PTPRT: variants seen among roughly 807,000 people sequenced by gnomAD.
PTPRT encodes the protein protein tyrosine phosphatase receptor type T.
Under a neutral mutation model 176.8 loss-of-function variants are expected in PTPRT, and 56 were observed. That is an observed-to-expected ratio of 0.32 (90% confidence interval 0.26 to 0.40). The LOEUF (loss-of-function observed/expected upper bound fraction) is 0.40. PTPRT is among the 10% of genes least tolerant of loss of function. PTPRT has a pLI of 1.00. For missense variants in PTPRT, 1,540 were observed against 1,908.2 expected, an observed-to-expected ratio of 0.81 and a Z score of 3.60; for synonymous variants, 783 against 739.0, an observed-to-expected ratio of 1.06 and a Z score of -0.96.
Position 42,084,869 on chromosome 20 carries a change from G to A in PTPRT, c.3973-24C>T, listed in dbSNP as rs759439864. ...GGCTGAGAACAGAGAGGCTGTTAGG[G>A]CTGTTCTGCTGGGGATGCTTGCGTA... On this transcript the variant is annotated intron_variant, in intron 28 of 30. Transcript: ENST00000373187. 4.3e-6 allele frequency: 6 copies of A among 1,380,262 alleles called. No homozygotes were observed. In the East Asian group the frequency reaches 1.6e-4, roughly 36 times the overall value. The allele number at this position is 1,380,262 out of a possible 1,614,324, so 85.5% of individuals were successfully genotyped here.
At chr20:42,049,299 T>C in the PTPRT span, among the ~76,000 whole-genome samples, 1 of 152,212 alleles carries the variant, frequency 6.6e-6, no homozygotes, top group Non-Finnish European at 1.5e-5. Flanking sequence ...CAAATCATGG[T>C]TTCTTACTCT....
intron 27 of PTPRT, among the ~76,000 whole-genome samples, chr20:42,094,427 C>T (rs1474654640): frequency 1.3e-5 from 2 of 152,106 alleles, no homozygotes; most frequent in Non-Finnish European, 2.9e-5. Flanking sequence ...ATCCTTCATT[C>T]CTCTTTCTTT....
At chr20:42,878,304 T>A (rs139987251) in intron 2 of PTPRT, among the ~76,000 whole-genome samples, 5 of 152,162 alleles carry the variant, frequency 3.3e-5, no homozygotes, top group African/African-American at 1.2e-4. Context: ...CATGGGAAAA[T>A]GCTAAAGAAA....
chr20:42,685,026 A>G (rs1337393591), intron 6 of PTPRT, among the ~76,000 whole-genome samples: 1 of 152,174 alleles, frequency 6.6e-6, no homozygotes, highest in Non-Finnish European at 1.5e-5. Context: ...TCAAACAGTT[A>G]GTCATTCAAA....
intron 1 of PTPRT, among the ~76,000 whole-genome samples, chr20:42,896,770 T>C (rs547040440): frequency 6.6e-6 from 1 of 152,114 alleles, no homozygotes; most frequent in African/African-American, 2.4e-5. Flanking sequence ...TGTGGACACA[T>C]ATTCCAAAGA....
intron 7 of PTPRT, among the ~76,000 whole-genome samples, chr20:42,601,247 T>C (rs2073776355): frequency 6.6e-6 from 1 of 152,198 alleles, no homozygotes; most frequent in South Asian, 2.1e-4. Context: ...TTGGCTCTTC[T>C]CTGCTGCATC....
chr20:42,936,227 T>G (rs1156934503), intron 1 of PTPRT, among the ~76,000 whole-genome samples: 1 of 152,026 alleles, frequency 6.6e-6, no homozygotes, highest in Non-Finnish European at 1.5e-5. Context: ...GGGGCACAGG[T>G]TGAAATCAAC....
intron 16 of PTPRT, among the ~76,000 whole-genome samples, chr20:42,182,066 GA>G (rs1990548167): frequency 6.6e-6 from 1 of 152,176 alleles, no homozygotes; most frequent in African/African-American, 2.4e-5. Flanking sequence ...CATATTTTGG[GA>G]AATGCTTAGT....
chr20:42,084,002 G>A (rs77084234), intron 29 of PTPRT, among the ~76,000 whole-genome samples: 1 of 152,314 alleles, frequency 6.6e-6, no homozygotes, highest in East Asian at 1.9e-4. Context: ...TGGTCTCTAT[G>A]TTGGCAGATA....
chr20:42,075,085 G>A lies in PTPRT; in HGVS notation c.*5794C>T, dbSNP rs1392771020. On this transcript the variant is annotated 3_prime_UTR_variant, in exon 31 of 31. Coordinates refer to ENST00000373187, the MANE Select transcript of PTPRT (RefSeq NM_007050.6). ...CCCTGCAAGACAAAGCCAAGGCCTT[G>A]CATTCTATCACTTCTAGACATGTAT... 2.7e-6 allele frequency: 1 copy of A among 376,796 alleles called. No homozygotes were observed. Among genetic ancestry groups the A allele is most frequent in the Admixed American group, 4.5e-5 (1 of 22,050 alleles). 23.3% of individuals were successfully genotyped at this position (376,796 alleles called of 1,614,324 possible). A position where few individuals can be genotyped will look rare whatever the true frequency, so the allele number is the denominator to read the frequency against.
chr20:42,880,688 T>C (rs1033654348), intron 2 of PTPRT, among the ~76,000 whole-genome samples: 2 of 152,168 alleles, frequency 1.3e-5, no homozygotes, highest in African/African-American at 4.8e-5. Context: ...ATAGGCAGGA[T>C]AGACAGCTAG....
rs146343715 is a variant in PTPRT at position 42,366,338 on chromosome 20, C to T, written c.1561-14053G>A. Among the ~76,000 whole-genome samples, 890 of 152,340 alleles carry T rather than the reference C, an allele frequency of 5.8e-3. 15 individuals are homozygous for T. Among genetic ancestry groups the T allele is most frequent in the Non-Finnish European group, 6.9e-3 (472 of 68,038 alleles). Reference sequence around the variant, plus strand: ...GCTCCATTTTCCAACTCCTCCCAGACCCCTGCCCCAGTCTACCCCAGACTT... The same window carrying T: ...GCTCCATTTTCCAACTCCTCCCAGATCCCTGCCCCAGTCTACCCCAGACTT... On this transcript the variant is annotated intron_variant, in intron 9 of 30. Coordinates refer to ENST00000373187, the MANE Select transcript of PTPRT (RefSeq NM_007050.6).
intron 11 of PTPRT, among the ~76,000 whole-genome samples, chr20:42,345,510 T>C (rs949242197): frequency 1.4e-5 from 2 of 146,734 alleles, no homozygotes; most frequent in African/African-American, 5.0e-5. Context: ...ATAAAACTAG[T>C]TACTATAGAT....
At chr20:42,638,908 A>T (rs140228882) in intron 7 of PTPRT, among the ~76,000 whole-genome samples, 8 of 152,308 alleles carry the variant, frequency 5.3e-5, no homozygotes, top group African/African-American at 1.9e-4. Flanking sequence ...TTAAAATGGC[A>T]GAGCCAATTT....
At chr20:42,032,613 C>A in the PTPRT span, among the ~76,000 whole-genome samples, 3 of 152,184 alleles carry the variant, frequency 2.0e-5, no homozygotes. Context: ...AGTAGGTACA[C>A]CTTTGTGTAA....
chr20:42,628,171 G>A (rs2074331234), intron 7 of PTPRT, among the ~76,000 whole-genome samples: 1 of 152,094 alleles, frequency 6.6e-6, no homozygotes, highest in East Asian at 1.9e-4. Context: ...ACTTCCGTGG[G>A]GGATTTTAAT....
At chr20:42,768,855 T>C (rs2077022810) in intron 5 of PTPRT, among the ~76,000 whole-genome samples, 1 of 152,244 alleles carries the variant, frequency 6.6e-6, no homozygotes, top group Admixed American at 6.5e-5. Context: ...AAATATTCAG[T>C]TATGATCTCT....
At chr20:42,912,313 G>T (rs1238956600) in intron 1 of PTPRT, among the ~76,000 whole-genome samples, 1 of 152,060 alleles carries the variant, frequency 6.6e-6, no homozygotes, top group Non-Finnish European at 1.5e-5. Context: ...TATTAGGTGA[G>T]GTTGAATGTT....
At chr20:42,256,754 T>C (rs2056648741) in intron 13 of PTPRT, among the ~76,000 whole-genome samples, 1 of 152,110 alleles carries the variant, frequency 6.6e-6, no homozygotes, top group African/African-American at 2.4e-5. Flanking sequence ...GAGACAATGC[T>C]GGGGAAACTC....
Sources: allele counts gnomAD v4.1 joint callset (sites outside exome capture counted in the v4.1 genomes callset), GRCh38; gene constraint gnomAD v4.1.1; transcripts MANE v1.5; gene names NCBI Gene and HGNC (gene_info 2026-07-23, HGNC 2026-07-21).